The following ADAR variants were observed in gnomAD, a reference collection of about 807,000 sequenced individuals.
The protein encoded by ADAR is adenosine deaminase RNA specific, also known as double-stranded RNA-specific adenosine deaminase.
In ADAR, 41 loss-of-function variants were observed where a neutral mutation model predicts 113.2. That is an observed-to-expected ratio of 0.36 (90% CI 0.28 to 0.47). The LOEUF (loss-of-function observed/expected upper bound fraction) is 0.47, where lower values mean the gene tolerates loss of function less well. ADAR is among the 20% of genes least tolerant of loss of function. The probability of loss-of-function intolerance (pLI) is 1.00; values close to 1 mark genes in which losing one functional copy is unlikely to be tolerated. For missense variants in ADAR, 1,242 were observed against 1,540.9 expected (o/e 0.81, Z 3.25); for synonymous variants, 605 against 572.6 (o/e 1.06, Z -0.81).
Position 154,585,773 on chromosome 1 carries a change from A to G in ADAR, c.3295T>C (p.Phe1099Leu). ...SAFEDGLRHP[F>L]IVNHPKVGRV... ...AGCACCTTGGGGTGGTTGACAATAA[A>G]GGGATGTCGTAGTCCATCCTCAAAT... Residue 1099 changes from phenylalanine to leucine, a missense_variant, in exon 13 of 15, where the codon TTT becomes CTT. Phe to Leu is a conservative substitution (Grantham distance 22). This residue lies in a region of ADAR where 780 missense variants were observed against 1,057.9 expected (regional missense o/e 0.74). Coordinates refer to ENST00000368474, the MANE Select transcript of ADAR (RefSeq NM_001111.5). 1 of 1,613,764 alleles carries G rather than the reference A, an allele frequency of 6.2e-7. No homozygotes were observed.
At chr1:154,627,265 T>C (rs1698967418) in intron 1 of ADAR, among the ~76,000 whole-genome samples, 1 of 152,236 alleles carries the variant, frequency 6.6e-6, no homozygotes, top group African/African-American at 2.4e-5. Context: ...CTAGGCCTCC[T>C]GCACCAGGCC....
At chr1:154,608,284 G>A (rs1698338866), upstream of ADAR, 2 of 490,906 alleles carry the variant, frequency 4.1e-6, no homozygotes. Context: ...GTTTCAGGCC[G>A]GTTACAAGTC....
chr1:154,613,281 CTTTT>C (rs56126079), intron 1 of ADAR, among the ~76,000 whole-genome samples: 6 of 84,654 alleles, frequency 7.1e-5, no homozygotes, highest in Non-Finnish European at 2.2e-5. Context: ...TCACAAATGG[CTTTT>C]TTTTTTTTTT....
At chr1:154,590,161 G>T in intron 7 of ADAR, 23 bp downstream of exon 7, 1 of 1,509,260 alleles carries the variant, frequency 6.6e-7, no homozygotes, top group Non-Finnish European at 9.1e-7. Flanking sequence ...CCCAAAAAAG[G>T]CACCAAAAGT....
chr1:154,590,217 G>A lies in ADAR; in HGVS notation c.2463C>T (p.Leu821=), dbSNP rs1420094696. 1.9e-5 allele frequency: 31 copies of A among 1,613,348 alleles called. No homozygotes were observed. The highest frequency in any genetic ancestry group is 2.5e-5 in the Non-Finnish European group (30 of 1,179,934). ...TGASLRRTML[L]LSRSPEAQPK... ...GCTGTGCTTCTGGGGACCTTGAGAG[G>A]AGGAGCATAGTTCTTCTGAGACTGG... Residue 821 remains leucine, a synonymous_variant, in exon 7 of 15, where the codon CTC becomes CTT. Transcript: ENST00000368474.
chr1:154,614,949 C>T (rs932087926), intron 1 of ADAR, among the ~76,000 whole-genome samples: 33 of 152,150 alleles, frequency 2.2e-4, no homozygotes, highest in African/African-American at 7.7e-4. Flanking sequence ...AAAAAATTTC[C>T]ACCTACACAC....
In ADAR at chr1:154,597,932, AAAG is replaced by A. The variant is rs759833046; in HGVS notation, c.1827_1829del (p.Phe610del). 29 of 1,614,136 alleles carry A rather than the reference AAAG, an allele frequency of 1.8e-5. No individual in the cohort carries two copies. The East Asian group carries it at 4.2e-4, about 24-fold the overall frequency. On this transcript the variant is annotated inframe_deletion, in exon 4 of 15. Coordinates refer to ENST00000368474, the MANE Select transcript of ADAR (RefSeq NM_001111.5). ...GTGTGGTGACGGGGCTCTTCCCAGA[AAAG>A]AAGGATGTGGCTGAAGGGGTGGGGG... is the stretch of plus-strand genomic sequence containing the variant.
chr1:154,601,706 G>C lies in ADAR; in HGVS notation c.936C>G (p.Asp312Glu). 6.2e-6 allele frequency: 10 copies of C among 1,614,220 alleles called. No individual in the cohort carries two copies. Among genetic ancestry groups the C allele is most frequent in the Middle Eastern group, 1.6e-4 (1 of 6,062 alleles). The change falls in exon 2 of 15, where the codon GAC (aspartate) becomes GAG (glutamate). Residue 312 changes from aspartate to glutamate, a missense_variant. Around this residue, in one of 2 missense-constraint regions of ADAR, gnomAD observed 462 missense variants for 483.1 expected, o/e 0.96. Coordinates refer to ENST00000368474, the MANE Select transcript of ADAR (RefSeq NM_001111.5). The surrounding 1 kb of genome is among the most constrained non-coding windows in gnomAD (Gnocchi z 4.7). ...TTTTAGCCAAATTCAGGGCAGAGGA[G>C]TCAGACACATTGAAGAGATAGTCGC... The part of the protein sequence containing the change: ...KICDYLFNVS[D>E]SSALNLAKNI...
rs1346322825 is a variant in ADAR, at chr1:154,621,245, A to C, written c.-871+6610T>G. On this transcript the variant is annotated intron_variant, in intron 1 of 14. Coordinates refer to the ADAR transcript ENST00000368471. ...ATATCTTATTAAAATCTGAAATAAA[A>C]CTGAATGCTAGCTTTTTAAAAGTCA... 5.9e-5 allele frequency among the ~76,000 whole-genome samples: 9 copies of C among 152,148 alleles called. No homozygotes were observed. The East Asian group carries it at 1.7e-3, about 29-fold the overall frequency.
intron 1 of ADAR, among the ~76,000 whole-genome samples, chr1:154,625,052 C>T (rs1254313646): frequency 1.3e-5 from 2 of 152,108 alleles, no homozygotes; most frequent in African/African-American, 4.8e-5. Context: ...AAGCATTTTC[C>T]GAATACCTAC....
Position 154,597,273 on chromosome 1 carries a change from A to C in ADAR, c.1935-6T>G. On this transcript the variant is annotated splice_polypyrimidine_tract_variant and splice_region_variant and intron_variant, in intron 4 of 14. Transcript: ENST00000368474. ...CTGCAACACAGTATTGGAACCTGACAGGAGATGAAGCACGTAGAAGGATTA... is the reference window on the plus strand; with the variant it reads ...CTGCAACACAGTATTGGAACCTGACCGGAGATGAAGCACGTAGAAGGATTA... The C allele has an allele frequency of 6.2e-7, 1 of 1,614,198 alleles. No homozygotes were observed. The highest frequency in any genetic ancestry group is 8.5e-7 in the Non-Finnish European group (1 of 1,180,038).
At chr1:154,603,509 C>G (rs1698012131) in intron 1 of ADAR, among the ~76,000 whole-genome samples, 1 of 152,162 alleles carries the variant, frequency 6.6e-6, no homozygotes, top group Non-Finnish European at 1.5e-5. Flanking sequence ...CCTACCTTCC[C>G]TAGCTACTTC....
intron 11 of ADAR, among the ~76,000 whole-genome samples, chr1:154,586,801 C>G (rs1352317311): frequency 6.6e-6 from 1 of 152,126 alleles, no homozygotes; most frequent in Non-Finnish European, 1.5e-5. Flanking sequence ...GGCCCCAAGG[C>G]AGCCAGCGGA....
At chr1:154,590,153 C>G (rs60407842) in intron 7 of ADAR, 31 bp downstream of exon 7, 45 of 1,141,420 alleles carry the variant, frequency 3.9e-5, no homozygotes, top group Middle Eastern at 2.3e-4. Flanking sequence ...CCCCCCGCCC[C>G]AAAAAAGGCA....
At chr1:154,625,206 G>C (rs1396316678) in intron 1 of ADAR, among the ~76,000 whole-genome samples, 1 of 152,162 alleles carries the variant, frequency 6.6e-6, no homozygotes, top group African/African-American at 2.4e-5. Flanking sequence ...AATTTGAGAT[G>C]TTATTCTTGC....
chr1:154,607,307 A>T (rs1698256648), intron 1 of ADAR, among the ~76,000 whole-genome samples: 1 of 152,202 alleles, frequency 6.6e-6, no homozygotes, highest in Admixed American at 6.5e-5. Context: ...TTCACTACTA[A>T]GCAGTATCCC....
upstream of ADAR, among the ~76,000 whole-genome samples, chr1:154,613,004 C>A (rs9426826): frequency 6.6e-6 from 1 of 151,022 alleles, no homozygotes; most frequent in African/African-American, 2.4e-5. Flanking sequence ...GTAGAGACGG[C>A]GTTTCACCGT....
At chr1:154,590,106 A>G (rs930898695) in intron 7 of ADAR, 78 bp downstream of exon 7, 15 of 1,524,122 alleles carry the variant, frequency 9.8e-6, no homozygotes, top group Non-Finnish European at 1.4e-5. Context: ...AACTCGCATG[A>G]CAGCAAGAGC....
intron 1 of ADAR, among the ~76,000 whole-genome samples, chr1:154,626,815 C>T (rs1245850701): frequency 6.6e-6 from 1 of 152,232 alleles, no homozygotes; most frequent in African/African-American, 2.4e-5. Context: ...CCTTTCCACT[C>T]TATTTCCCTT....
Sources: allele counts gnomAD v4.1 joint callset (sites outside exome capture counted in the v4.1 genomes callset), GRCh38; gene constraint gnomAD v4.1.1; regional missense constraint gnomAD v4.1.1; non-coding constraint Gnocchi (gnomAD v3.1); transcripts MANE v1.5; gene names NCBI Gene and HGNC (gene_info 2026-07-23, HGNC 2026-07-21).